The following ADK variants were observed in gnomAD, a reference collection of about 807,000 sequenced individuals.
ADK encodes the protein adenosine kinase, also known as N6,N6-dimethyladenosine kinase.
In ADK, 24 loss-of-function variants were observed where a neutral mutation model predicts 44.7. The ratio of observed to expected loss-of-function variants is 0.54; its 90% CI spans 0.39 to 0.76. The LOEUF (loss-of-function observed/expected upper bound fraction) is 0.76, where lower values mean the gene tolerates loss of function less well. Ranked by LOEUF, ADK falls within the 30% of genes least tolerant of loss-of-function variation. The probability of loss-of-function intolerance (pLI) is 0.00; values close to 1 mark genes in which losing one functional copy is unlikely to be tolerated. For synonymous variants in ADK, 128 were observed against 142.6 expected, an observed-to-expected ratio of 0.90 and a Z score of 0.73; for missense variants, 321 against 425.1, an observed-to-expected ratio of 0.76 and a Z score of 2.15.
intron 6 of ADK, among the ~76,000 whole-genome samples, chr10:74,515,558 G>A (rs1203907995): frequency 1.3e-5 from 2 of 152,176 alleles, no homozygotes; most frequent in Admixed American, 1.3e-4. Context: ...TGTGGCACGG[G>A]GGCAGTCTGC....
At chr10:74,700,628 A>G (rs1283684428) in intron 10 of ADK, among the ~76,000 whole-genome samples, 2 of 152,090 alleles carry the variant, frequency 1.3e-5, no homozygotes, top group African/African-American at 4.8e-5. Flanking sequence ...AAAACAAAAA[A>G]AAAAAGAAAA....
chr10:74,166,555 A>C (rs1842038178), intron 1 of ADK, among the ~76,000 whole-genome samples: 1 of 151,914 alleles, frequency 6.6e-6, no homozygotes, highest in Non-Finnish European at 1.5e-5. Context: ...CCTGGCCTCA[A>C]GTGTTCTGCC....
At chr10:74,164,937 C>G (rs967501659) in intron 1 of ADK, among the ~76,000 whole-genome samples, 2 of 152,188 alleles carry the variant, frequency 1.3e-5, no homozygotes, top group Non-Finnish European at 2.9e-5. Flanking sequence ...GATGTTGATT[C>G]TTTACTCTCA....
At chr10:74,397,847 A>G (rs1210998574) in intron 5 of ADK, among the ~76,000 whole-genome samples, 1 of 152,168 alleles carries the variant, frequency 6.6e-6, no homozygotes, top group Non-Finnish European at 1.5e-5. Flanking sequence ...ACCTGCAGCA[A>G]GATTTTAAAT....
chr10:74,702,569 TTC>T (rs1491233621), intron 10 of ADK, among the ~76,000 whole-genome samples: 3 of 149,228 alleles, frequency 2.0e-5, no homozygotes, highest in South Asian at 2.1e-4. Context: ...CCTTCCTTCC[TTC>T]CTCTCTCTCT....
At chr10:74,585,929 T>G (rs1851512184) in intron 7 of ADK, among the ~76,000 whole-genome samples, 1 of 152,216 alleles carries the variant, frequency 6.6e-6, no homozygotes, top group South Asian at 2.1e-4. Flanking sequence ...TCACTTGGAA[T>G]TATCTCTGAT....
intron 6 of ADK, among the ~76,000 whole-genome samples, chr10:74,470,569 A>G (rs1020031252): frequency 5.0e-5 from 1 of 20,184 alleles, no homozygotes; most frequent in Admixed American, 5.2e-4. Flanking sequence ...AAGCGTTTCA[A>G]TTTCTCCACA....
At chr10:74,444,262 A>G (rs1182291998) in intron 6 of ADK, among the ~76,000 whole-genome samples, 1 of 152,142 alleles carries the variant, frequency 6.6e-6, no homozygotes, top group Non-Finnish European at 1.5e-5. Context: ...TTAATTAGGT[A>G]GGAAACCCAG....
intron 9 of ADK, chr10:74,655,706 G>C: frequency 2.1e-6 from 1 of 480,782 alleles, no homozygotes; most frequent in Admixed American, 2.5e-5. Context: ...AGCTGCCCAG[G>C]GAGCTGAGCC....
chr10:74,441,475 A>C (rs1240648536), intron 6 of ADK, among the ~76,000 whole-genome samples: 1 of 152,260 alleles, frequency 6.6e-6, no homozygotes, highest in Non-Finnish European at 1.5e-5. Flanking sequence ...TATAATAGTC[A>C]AAAGGTAGAA....
intron 7 of ADK, among the ~76,000 whole-genome samples, chr10:74,570,548 A>G (rs980768008): frequency 6.6e-6 from 1 of 152,122 alleles, no homozygotes; most frequent in Non-Finnish European, 1.5e-5. Flanking sequence ...TTCTCTTTGA[A>G]GCAATTGTGA....
intron 3 of ADK, among the ~76,000 whole-genome samples, chr10:74,248,385 G>C (rs1341657441): frequency 1.3e-5 from 2 of 151,764 alleles, no homozygotes; most frequent in Non-Finnish European, 2.9e-5. Flanking sequence ...TTTTGAGGTG[G>C]AGTCTCGCTT....
chr10:74,457,894 C>T (rs1401792517), intron 6 of ADK, among the ~76,000 whole-genome samples: 1 of 152,050 alleles, frequency 6.6e-6, no homozygotes, highest in African/African-American at 2.4e-5. Flanking sequence ...TGAGAGATAG[C>T]ATTAGGAGAA....
At chr10:74,240,372 T>TTGTGTGTGTGTGTGTGTGTGTG (rs142465407) in intron 3 of ADK, among the ~76,000 whole-genome samples, 26 of 147,244 alleles carry the variant, frequency 1.8e-4, no homozygotes, top group Non-Finnish European at 2.4e-4. Context: ...TCCTTTTATT[T>TTGTGTGTGTGTGTGTGTGTGTG]TGTGTGTGTG....
At chr10:74,634,508 C>T (rs533466979) in intron 9 of ADK, among the ~76,000 whole-genome samples, 9 of 152,110 alleles carry the variant, frequency 5.9e-5, no homozygotes, top group Non-Finnish European at 1.2e-4. Flanking sequence ...CCACCATGCC[C>T]GGCTGGCATT....
chr10:74,406,054 G>A (rs1843911936), intron 6 of ADK, among the ~76,000 whole-genome samples: 1 of 152,140 alleles, frequency 6.6e-6, no homozygotes, highest in South Asian at 2.1e-4. Context: ...ATCTACTACA[G>A]TTCTCCTTAT....
intron 6 of ADK, among the ~76,000 whole-genome samples, chr10:74,420,398 A>G (rs1844518449): frequency 6.6e-6 from 1 of 152,162 alleles, no homozygotes; most frequent in Non-Finnish European, 1.5e-5. Context: ...TAGCACATCT[A>G]TTAAGATCTA....
At chr10:74,156,369 A>G (rs1471893045) in intron 1 of ADK, among the ~76,000 whole-genome samples, 1 of 152,170 alleles carries the variant, frequency 6.6e-6, no homozygotes, top group Non-Finnish European at 1.5e-5. Flanking sequence ...CTGTAATCCC[A>G]GCACTTTGGG....
At chr10:74,630,339 T>TTG (rs1465206431) in intron 9 of ADK, among the ~76,000 whole-genome samples, 1 of 151,878 alleles carries the variant, frequency 6.6e-6, no homozygotes, top group Admixed American at 6.6e-5. Flanking sequence ...TTTTTTTTTT[T>TTG]GGTCCAGGAT....
Sources: allele counts gnomAD v4.1 joint callset (sites outside exome capture counted in the v4.1 genomes callset), GRCh38; gene constraint gnomAD v4.1.1; transcripts MANE v1.5; gene names NCBI Gene and HGNC (gene_info 2026-07-23, HGNC 2026-07-21).